The following PPP2R5E variants were observed in gnomAD, a reference collection of about 807,000 sequenced individuals.
PPP2R5E encodes the protein serine/threonine-protein phosphatase 2A 56 kDa regulatory subunit epsilon isoform.
PPP2R5E carries 4 observed loss-of-function variants against 65.3 expected under a neutral mutation model. The observed-to-expected ratio is 0.06, with a 90% CI of 0.03 to 0.14. The LOEUF (loss-of-function observed/expected upper bound fraction) is 0.14. Ranked by LOEUF, PPP2R5E falls within the 10% of genes least tolerant of loss-of-function variation. The pLI is 1.00. For missense variants in PPP2R5E, 274 were observed against 556.1 expected (o/e 0.49, Z 5.10); for synonymous variants, 183 against 187.4 (o/e 0.98, Z 0.19).
intron 4 of PPP2R5E, among the ~76,000 whole-genome samples, chr14:63,421,260 C>T (rs1451194313): frequency 6.6e-6 from 1 of 152,020 alleles, no homozygotes; most frequent in Non-Finnish European, 1.5e-5. Flanking sequence ...TCAACATGTA[C>T]AAATTTCCTT....
At chr14:63,454,374 T>C (rs1889009824) in intron 2 of PPP2R5E, among the ~76,000 whole-genome samples, 1 of 152,236 alleles carries the variant, frequency 6.6e-6, no homozygotes, top group Non-Finnish European at 1.5e-5. Context: ...TTTTTTGTTT[T>C]GTTTTGGCTT....
intron 5 of PPP2R5E, among the ~76,000 whole-genome samples, chr14:63,400,535 C>G (rs1228789775): frequency 6.6e-6 from 1 of 152,114 alleles, no homozygotes. Context: ...ACAATAAATA[C>G]ATACGTACTG....
intron 2 of PPP2R5E, among the ~76,000 whole-genome samples, chr14:63,465,472 A>C (rs964316599): frequency 5.1e-5 from 4 of 78,054 alleles, no homozygotes; most frequent in African/African-American, 2.1e-4. Flanking sequence ...AAAAAAAAAA[A>C]ACAACAACTA....
At chr14:63,514,389 A>G (rs1162340873) in intron 2 of PPP2R5E, among the ~76,000 whole-genome samples, 1 of 152,160 alleles carries the variant, frequency 6.6e-6, no homozygotes, top group Non-Finnish European at 1.5e-5. Flanking sequence ...TTCACAGACT[A>G]TGCTCTGTCC....
intron 3 of PPP2R5E, among the ~76,000 whole-genome samples, chr14:63,431,721 T>A (rs1013531463): frequency 2.0e-5 from 3 of 152,188 alleles, no homozygotes; most frequent in Non-Finnish European, 4.4e-5. Flanking sequence ...AAACATGCAC[T>A]TGTGACAGTT....
intron 5 of PPP2R5E, among the ~76,000 whole-genome samples, chr14:63,411,726 C>T (rs1484236458): frequency 6.6e-6 from 1 of 150,812 alleles, no homozygotes; most frequent in Non-Finnish European, 1.5e-5. Context: ...TCTCTCACCA[C>T]GTGACACACA....
intron 2 of PPP2R5E, among the ~76,000 whole-genome samples, chr14:63,517,810 G>A (rs949288764): frequency 1.3e-5 from 2 of 152,166 alleles, no homozygotes; most frequent in African/African-American, 4.8e-5. Flanking sequence ...CACCACCGAT[G>A]TTAATTGCTT....
chr14:63,435,075 T>C (rs776790479), intron 3 of PPP2R5E, among the ~76,000 whole-genome samples: 7 of 152,000 alleles, frequency 4.6e-5, no homozygotes, highest in Non-Finnish European at 1.0e-4. Flanking sequence ...GAAAAAAAGG[T>C]TTAACAAGGA....
At chr14:63,415,895 T>C (rs967055259) in intron 4 of PPP2R5E, among the ~76,000 whole-genome samples, 3 of 152,322 alleles carry the variant, frequency 2.0e-5, no homozygotes, top group African/African-American at 7.2e-5. Context: ...TGAGGAAATA[T>C]TTCTAAATGT....
At chr14:63,458,701 A>C (rs535808440) in intron 2 of PPP2R5E, among the ~76,000 whole-genome samples, 4 of 152,350 alleles carry the variant, frequency 2.6e-5, no homozygotes, top group African/African-American at 9.6e-5. Context: ...AGAGTGAATA[A>C]GTATTTCTAT....
chr14:63,410,175 G>A (rs1035898059), intron 5 of PPP2R5E, among the ~76,000 whole-genome samples: 7 of 152,150 alleles, frequency 4.6e-5, no homozygotes, highest in Non-Finnish European at 8.8e-5. Flanking sequence ...ACTGAAGAAA[G>A]AAATTTTAAG....
At position 63,455,069 on chromosome 14, in the gene PPP2R5E, T is replaced by C. The variant is rs1889044627; in HGVS notation, c.158-1184A>G. ...TGTAGTCACTTGCAGTCATCCTCAGTTGCCAGCCTTCTGGTAAATGCTTTA... is the reference window on the plus strand; with the variant it reads ...TGTAGTCACTTGCAGTCATCCTCAGCTGCCAGCCTTCTGGTAAATGCTTTA... On this transcript the variant is annotated intron_variant, in intron 2 of 13. Transcript: ENST00000337537. Among the ~76,000 whole-genome samples, 8 of 152,318 alleles carry C rather than the reference T, an allele frequency of 5.3e-5. 1 individual carries two copies. In the South Asian group the frequency reaches 1.7e-3, roughly 32 times the overall value.
At chr14:63,467,911 T>G (rs779324551) in intron 2 of PPP2R5E, among the ~76,000 whole-genome samples, 1 of 152,238 alleles carries the variant, frequency 6.6e-6, no homozygotes, top group Non-Finnish European at 1.5e-5. Context: ...AGGTCAGCTT[T>G]GCCACTTCCT....
At chr14:63,498,990 C>T (rs1891719013) in intron 2 of PPP2R5E, among the ~76,000 whole-genome samples, 1 of 152,090 alleles carries the variant, frequency 6.6e-6, no homozygotes, top group African/African-American at 2.4e-5. Flanking sequence ...TGTTTTCCCA[C>T]TATAAAACTG....
At chr14:63,501,944 G>A (rs118117987) in intron 2 of PPP2R5E, among the ~76,000 whole-genome samples, 2,576 of 152,138 alleles carry the variant, frequency 0.017, 46 homozygotes, top group East Asian at 0.093. Flanking sequence ...AGCCTGGCTG[G>A]AGTGCAGTGG....
intron 5 of PPP2R5E, among the ~76,000 whole-genome samples, chr14:63,397,575 A>T (rs1303083373): frequency 6.6e-6 from 1 of 151,278 alleles, no homozygotes; most frequent in Non-Finnish European, 1.5e-5. Flanking sequence ...AAATGAAAAA[A>T]CCTGAATCAA....
chr14:63,388,124 T>C (rs1566666240), intron 11 of PPP2R5E, among the ~76,000 whole-genome samples: 1 of 146,056 alleles, frequency 6.8e-6, no homozygotes, highest in African/African-American at 2.6e-5. Flanking sequence ...TTTTTTTTTT[T>C]TCTCCTTTCT....
chr14:63,478,397 C>T (rs1292239289), intron 2 of PPP2R5E, among the ~76,000 whole-genome samples: 7 of 152,060 alleles, frequency 4.6e-5, no homozygotes, highest in Non-Finnish European at 1.0e-4. Flanking sequence ...CATTTCAATA[C>T]AATTGTAAAT....
intron 5 of PPP2R5E, among the ~76,000 whole-genome samples, chr14:63,411,658 T>TAAAAAA (rs766263301): frequency 2.1e-5 from 2 of 93,106 alleles, no homozygotes; most frequent in East Asian, 3.3e-4. Flanking sequence ...TGTGGTTGTT[T>TAAAAAA]AAAAAAAAAA....
Sources: allele counts gnomAD v4.1 joint callset (sites outside exome capture counted in the v4.1 genomes callset), GRCh38; gene constraint gnomAD v4.1.1; transcripts MANE v1.5; gene names NCBI Gene and HGNC (gene_info 2026-07-23, HGNC 2026-07-21).